Variants in SMYD3 observed in about 807,000 individuals in gnomAD.
The protein encoded by SMYD3 is SET and MYND domain containing 3.
In SMYD3, 36 loss-of-function variants were observed where a neutral mutation model predicts 57.7. The observed-to-expected ratio is 0.62, with a 90% CI of 0.48 to 0.82. The LOEUF is 0.82. Ranked by LOEUF, SMYD3 falls within the 40% of genes least tolerant of loss-of-function variation. SMYD3 has a pLI of 0.00. For synonymous variants in SMYD3, 211 were observed against 195.0 expected, an observed-to-expected ratio of 1.08 and a Z score of -0.68; for missense variants, 515 against 538.8, an observed-to-expected ratio of 0.96 and a Z score of 0.44.
chr1:245,900,069 A>T (rs2054082828), intron 8 of SMYD3, among the ~76,000 whole-genome samples: 1 of 152,142 alleles, frequency 6.6e-6, no homozygotes, highest in Non-Finnish European at 1.5e-5. Flanking sequence ...CCTTAGAATA[A>T]ATCTGTTTCT....
intron 11 of SMYD3, among the ~76,000 whole-genome samples, chr1:245,755,000 C>A (rs556675158): frequency 6.6e-6 from 1 of 152,256 alleles, no homozygotes; most frequent in East Asian, 1.9e-4. Flanking sequence ...GTGGTAGTAG[C>A]CATTCCAGAA....
intron 7 of SMYD3, among the ~76,000 whole-genome samples, chr1:245,920,062 C>G: frequency 6.6e-6 from 1 of 151,492 alleles, no homozygotes; most frequent in East Asian, 2.0e-4. Context: ...GCCTGTAATC[C>G]CAGCACTTTG....
intron 5 of SMYD3, among the ~76,000 whole-genome samples, chr1:245,999,281 A>G (rs1488909249): frequency 1.3e-5 from 2 of 152,234 alleles, no homozygotes; most frequent in South Asian, 2.1e-4. Context: ...AAAAGCACAC[A>G]GAATAATAAC....
At chr1:245,766,498 G>A (rs1427614398) in intron 10 of SMYD3, among the ~76,000 whole-genome samples, 1 of 151,020 alleles carries the variant, frequency 6.6e-6, no homozygotes, top group East Asian at 1.9e-4. Context: ...TCTTCAGTAT[G>A]CCAAGGGGTC....
chr1:246,247,868 C>T (rs12130852), intron 5 of SMYD3, among the ~76,000 whole-genome samples: 31,544 of 151,946 alleles, frequency 0.21, 3,993 homozygotes, highest in East Asian at 0.58. Context: ...AGCAAGAGAA[C>T]CTGGATAAGT....
At position 246,169,312 on chromosome 1, in the gene SMYD3, A is replaced by G. The variant is rs1482249855; in HGVS notation, c.531+157889T>C. 5.4e-5 allele frequency among the ~76,000 whole-genome samples: 8 copies of G among 146,952 alleles called. No homozygotes were observed. The East Asian group carries it at 1.4e-3, about 26-fold the overall frequency. ...TTAGTAAGCCAAGATGAAAAACGCC[A>G]AAGTTAATTTAACAAATATAGAGAA... On this transcript the variant is annotated intron_variant, in intron 5 of 11. Coordinates refer to ENST00000490107, the MANE Select transcript of SMYD3 (RefSeq NM_001167740.2).
chr1:245,882,819 C>A (rs1422663499), intron 8 of SMYD3, among the ~76,000 whole-genome samples: 1 of 152,282 alleles, frequency 6.6e-6, no homozygotes, highest in Non-Finnish European at 1.5e-5. Flanking sequence ...GCAAAGCATA[C>A]TTCACTGAAA....
At position 246,047,563 on chromosome 1, in the gene SMYD3, C is replaced by T. The variant is rs1405331414; in HGVS notation, c.532-117626G>A. Among the ~76,000 whole-genome samples, 3 of 152,194 alleles carry T rather than the reference C, an allele frequency of 2.0e-5. No individual in the cohort carries two copies. The East Asian group carries it at 5.8e-4, about 29-fold the overall frequency. On this transcript the variant is annotated intron_variant, in intron 5 of 11. Coordinates refer to ENST00000490107, the MANE Select transcript of SMYD3 (RefSeq NM_001167740.2). ...CTTAAAAATTATTCACCAGCCTGGG[C>T]ACAGTGGCTCATGCCTGTAATCCCA...
At chr1:246,370,106 C>T (rs2066169867) in intron 1 of SMYD3, among the ~76,000 whole-genome samples, 1 of 152,124 alleles carries the variant, frequency 6.6e-6, no homozygotes, top group South Asian at 2.1e-4. Flanking sequence ...TAAACTAAAG[C>T]TAATATCCTT....
In SMYD3 at chr1:246,507,229, T is replaced by C. The variant is rs1041349883; in HGVS notation, c.-12A>G. The C allele has an allele frequency of 6.6e-7, 1 of 1,511,182 alleles. No homozygotes were observed. The highest frequency in any genetic ancestry group is 2.1e-5 in the Admixed American group (1 of 47,044). The allele number at this position is 1,511,182 out of a possible 1,614,324, so 93.6% of individuals were successfully genotyped here. ...TTCAGCGGCTCCATCCTCCCGCAGCTCCGGCACCTCAGACGGCTACCCGCG... is the reference window on the plus strand; with the variant it reads ...TTCAGCGGCTCCATCCTCCCGCAGCCCCGGCACCTCAGACGGCTACCCGCG... On this transcript the variant is annotated 5_prime_UTR_variant, in exon 1 of 12. Coordinates refer to ENST00000490107, the MANE Select transcript of SMYD3 (RefSeq NM_001167740.2).
intron 5 of SMYD3, among the ~76,000 whole-genome samples, chr1:246,010,705 C>G (rs2059265703): frequency 6.6e-6 from 1 of 152,150 alleles, no homozygotes; most frequent in Non-Finnish European, 1.5e-5. Context: ...CAAACTCATC[C>G]AATCTTAAGG....
At chr1:246,138,276 A>G (rs1339715935) in intron 5 of SMYD3, among the ~76,000 whole-genome samples, 1 of 152,090 alleles carries the variant, frequency 6.6e-6, no homozygotes, top group African/African-American at 2.4e-5. Flanking sequence ...TACTTATGAA[A>G]GATATTTGCA....
intron 5 of SMYD3, chr1:246,096,310 T>C (rs570827934): frequency 1.4e-4 from 21 of 152,374 alleles, no homozygotes; most frequent in African/African-American, 4.8e-4. Context: ...GCAAGCAGAA[T>C]AGATGATCTG....
chr1:246,195,259 C>G (rs1405253986), intron 5 of SMYD3, among the ~76,000 whole-genome samples: 1 of 152,112 alleles, frequency 6.6e-6, no homozygotes, highest in Non-Finnish European at 1.5e-5. Context: ...ACTAAATAAA[C>G]TAATGGTTTT....
intron 10 of SMYD3, among the ~76,000 whole-genome samples, chr1:245,846,994 C>A (rs910548214): frequency 3.3e-5 from 5 of 152,288 alleles, no homozygotes; most frequent in Middle Eastern, 3.4e-3. Context: ...GGCACTGTCT[C>A]CACTCCTCTC....
chr1:245,762,811 C>T (rs1430377264), intron 11 of SMYD3, among the ~76,000 whole-genome samples: 1 of 152,168 alleles, frequency 6.6e-6, no homozygotes, highest in Non-Finnish European at 1.5e-5. Context: ...ATCAGCCGGC[C>T]CCTGGACACG....
At chr1:245,879,630 T>C (rs949728734) in intron 8 of SMYD3, among the ~76,000 whole-genome samples, 1 of 152,176 alleles carries the variant, frequency 6.6e-6, no homozygotes, top group Non-Finnish European at 1.5e-5. Context: ...GAGAGCAGAA[T>C]AGGAATCTTA....
chr1:246,441,735 C>A (rs2067473920), intron 1 of SMYD3, among the ~76,000 whole-genome samples: 1 of 152,182 alleles, frequency 6.6e-6, no homozygotes, highest in Non-Finnish European at 1.5e-5. Flanking sequence ...CCTCTGCCTC[C>A]CAAGTAGCCG....
intron 5 of SMYD3, among the ~76,000 whole-genome samples, chr1:246,150,064 G>A (rs532412326): frequency 2.1e-4 from 32 of 152,124 alleles, no homozygotes; most frequent in African/African-American, 7.7e-4. Context: ...TACCTTACAG[G>A]GATTGATTCT....
Sources: allele counts gnomAD v4.1 joint callset (sites outside exome capture counted in the v4.1 genomes callset), GRCh38; gene constraint gnomAD v4.1.1; transcripts MANE v1.5; gene names NCBI Gene and HGNC (gene_info 2026-07-23, HGNC 2026-07-21).